Variants in UNC5C observed in about 807,000 individuals in gnomAD.
UNC5C encodes the protein netrin receptor UNC5C.
A neutral mutation model predicts 99.8 loss-of-function variants in UNC5C; 47 were observed. The ratio of observed to expected loss-of-function variants is 0.47; its 90% confidence interval spans 0.37 to 0.60. The LOEUF is 0.60. UNC5C is among the 20% of genes least tolerant of loss of function. The probability of loss-of-function intolerance (pLI) is 0.00; values close to 1 mark genes in which losing one functional copy is unlikely to be tolerated. For missense variants in UNC5C, 1,062 were observed against 1,165.9 expected, an observed-to-expected ratio of 0.91 and a Z score of 1.30; for synonymous variants, 487 against 452.2, an observed-to-expected ratio of 1.08 and a Z score of -0.98.
chr4:95,217,419 T>G (rs1738291104), intron 9 of UNC5C, among the ~76,000 whole-genome samples: 1 of 152,162 alleles, frequency 6.6e-6, no homozygotes, highest in East Asian at 1.9e-4. Context: ...GAATGATTTG[T>G]GGAGGACACA....
chr4:95,202,539 A>G (rs780875945), intron 12 of UNC5C, among the ~76,000 whole-genome samples, 192 bp downstream of exon 12: 25 of 152,270 alleles, frequency 1.6e-4, no homozygotes, highest in Non-Finnish European at 2.5e-4. Context: ...GGGAGGAATC[A>G]GTGTAAACAG....
In UNC5C at chr4:95,232,272, CATATT is replaced by C. The variant is rs146590092; in HGVS notation, c.1108+10152_1108+10156del. ...ATATTATGTAAACTATATTATAAAA[CATATT>C]ATATATGTTTTATATAAGTGTTATA... On this transcript the variant is annotated intron_variant, in intron 7 of 15. Coordinates refer to ENST00000453304, the MANE Select transcript of UNC5C (RefSeq NM_003728.4). Among the ~76,000 whole-genome samples, 779 of 149,970 alleles carry C rather than the reference CATATT, an allele frequency of 5.2e-3. 12 individuals carry two copies. The highest frequency in any genetic ancestry group is 0.016 in the African/African-American group (676 of 41,050).
intron 14 of UNC5C, among the ~76,000 whole-genome samples, chr4:95,178,325 C>A (rs977615169): frequency 6.6e-6 from 1 of 152,128 alleles, no homozygotes; most frequent in Non-Finnish European, 1.5e-5. Context: ...TGCCCTGGGG[C>A]CCCCCTGGGC....
intron 1 of UNC5C, among the ~76,000 whole-genome samples, chr4:95,392,429 CAT>C (rs1491510472): frequency 8.7e-6 from 1 of 115,276 alleles, no homozygotes; most frequent in Non-Finnish European, 1.7e-5. Context: ...AGTATCAAAA[CAT>C]TTTTTTTTTT....
intron 1 of UNC5C, among the ~76,000 whole-genome samples, chr4:95,511,548 C>T (rs1722070567): frequency 6.6e-6 from 1 of 152,078 alleles, no homozygotes; most frequent in South Asian, 2.1e-4. Flanking sequence ...TGTTGAACCA[C>T]CAGAACACAA....
chr4:95,475,459 T>G (rs1748114294), intron 1 of UNC5C, among the ~76,000 whole-genome samples: 1 of 152,004 alleles, frequency 6.6e-6, no homozygotes, highest in Non-Finnish European at 1.5e-5. Context: ...AAACAACCAG[T>G]GCTAATGACT....
chr4:95,432,702 A>G (rs1746665925), intron 1 of UNC5C, among the ~76,000 whole-genome samples: 1 of 152,046 alleles, frequency 6.6e-6, no homozygotes, highest in Non-Finnish European at 1.5e-5. Context: ...TAATAAAGAA[A>G]CTCTGTCTTC....
chr4:95,188,049 C>G (rs577581586), intron 12 of UNC5C, among the ~76,000 whole-genome samples: 1 of 152,224 alleles, frequency 6.6e-6, no homozygotes, highest in Non-Finnish European at 1.5e-5. Context: ...ATAAAATATA[C>G]ATAAAATTTA....
chr4:95,472,597 A>G (rs1191422307), intron 1 of UNC5C, among the ~76,000 whole-genome samples: 1 of 152,118 alleles, frequency 6.6e-6, no homozygotes, highest in African/African-American at 2.4e-5. Flanking sequence ...ATTTCACTGA[A>G]GCCTGTTCCC....
chr4:95,397,337 A>G (rs1189251554), intron 1 of UNC5C, among the ~76,000 whole-genome samples: 1 of 152,242 alleles, frequency 6.6e-6, no homozygotes, highest in Non-Finnish European at 1.5e-5. Flanking sequence ...TGTATTTTCA[A>G]CTAAACAAAT....
chr4:95,425,184 CCATAGGAAAT>C (rs1746441918), intron 1 of UNC5C, among the ~76,000 whole-genome samples: 1 of 152,184 alleles, frequency 6.6e-6, no homozygotes, highest in Non-Finnish European at 1.5e-5. Context: ...TCCCTTCCTA[CCATAGGAAAT>C]CTATTCTATA....
At chr4:95,382,839 G>A (rs1453276898) in intron 1 of UNC5C, among the ~76,000 whole-genome samples, 1 of 152,134 alleles carries the variant, frequency 6.6e-6, no homozygotes, top group Non-Finnish European at 1.5e-5. Context: ...CACTGCTTTT[G>A]ATGGGTTAGC....
intron 11 of UNC5C, among the ~76,000 whole-genome samples, chr4:95,206,376 G>T (rs1407225736): frequency 6.6e-6 from 1 of 151,520 alleles, no homozygotes; most frequent in Admixed American, 6.6e-5. Flanking sequence ...ATTCCAAAAG[G>T]AACATGTCTA....
chr4:95,344,244 G>T (rs1457125362), intron 1 of UNC5C, among the ~76,000 whole-genome samples: 1 of 152,100 alleles, frequency 6.6e-6, no homozygotes, highest in African/African-American at 2.4e-5. Flanking sequence ...CCTGGCAGCA[G>T]ACTTCTCAGT....
intron 1 of UNC5C, among the ~76,000 whole-genome samples, chr4:95,514,872 C>A (rs1402581012): frequency 6.6e-6 from 1 of 151,600 alleles, no homozygotes; most frequent in Non-Finnish European, 1.5e-5. Context: ...CGGGGTTTCA[C>A]CATGTTGGCC....
chr4:95,176,318 T>C (rs993478653), intron 14 of UNC5C, among the ~76,000 whole-genome samples: 11 of 152,184 alleles, frequency 7.2e-5, no homozygotes, highest in Non-Finnish European at 1.5e-4. Flanking sequence ...GGAGAGGCGC[T>C]CTGCTTTTTA....
intron 1 of UNC5C, among the ~76,000 whole-genome samples, chr4:95,472,331 T>G (rs1578182041): frequency 1.3e-5 from 2 of 152,288 alleles, no homozygotes; most frequent in Admixed American, 6.5e-5. Context: ...TATTCTTATA[T>G]GAGATAGATT....
intron 4 of UNC5C, among the ~76,000 whole-genome samples, chr4:95,252,688 G>A (rs1739790239): frequency 6.6e-6 from 1 of 152,132 alleles, no homozygotes; most frequent in Non-Finnish European, 1.5e-5. Context: ...TCCAAAATCT[G>A]AAACTTTTGA....
intron 1 of UNC5C, among the ~76,000 whole-genome samples, chr4:95,496,595 C>T (rs749987381): frequency 1.8e-4 from 27 of 151,820 alleles, no homozygotes; most frequent in Non-Finnish European, 3.2e-4. Flanking sequence ...CAAGAGAACC[C>T]TAATTTGATC....
Sources: gnomAD v4.1 joint callset for allele counts (sites outside exome capture counted in the v4.1 genomes callset) on GRCh38, gnomAD v4.1.1 for gene constraint, MANE v1.5 for transcripts, NCBI Gene and HGNC (gene_info 2026-07-23, HGNC 2026-07-21) for gene names.